Variants in EGFR observed in about 807,000 individuals in gnomAD.
The protein encoded by EGFR is avian erythroblastic leukemia viral (v-erb-b) oncogene homolog.
EGFR carries 58 observed loss-of-function variants against 143.0 expected under a neutral mutation model. That is an observed-to-expected ratio of 0.41 (90% CI 0.33 to 0.50). The LOEUF is 0.50. Among genes scored for constraint, EGFR ranks in the 20% least tolerant of loss-of-function variants. The pLI is 0.39. For synonymous variants in EGFR, 613 were observed against 594.4 expected (o/e 1.03, Z -0.45); for missense variants, 1,307 against 1,579.0 (o/e 0.83, Z 2.92).
chr7:55,176,467 C>T (rs1786594420), intron 19 of EGFR, among the ~76,000 whole-genome samples: 1 of 152,178 alleles, frequency 6.6e-6, no homozygotes, highest in African/African-American at 2.4e-5. Context: ...CGCCTGTAAT[C>T]CCAGCACTTT....
chr7:55,067,914 G>A (rs972377896), intron 1 of EGFR, among the ~76,000 whole-genome samples: 5 of 151,132 alleles, frequency 3.3e-5, no homozygotes, highest in Non-Finnish European at 5.9e-5. Flanking sequence ...GTGTGTTCCT[G>A]TGTATGTGTG....
intron 1 of EGFR, among the ~76,000 whole-genome samples, chr7:55,025,967 C>A (rs370330535): frequency 1.3e-5 from 2 of 151,940 alleles, no homozygotes; most frequent in African/African-American, 2.4e-5. Flanking sequence ...AGTGGCTGAA[C>A]CAAAAAAAGT....
rs1270385150 is a variant in EGFR, at chr7:55,169,124, G to A, written c.1881-2051G>A. Among the ~76,000 whole-genome samples the A allele has an allele frequency of 8.0e-5, 12 of 150,790 alleles. No individual in the cohort carries two copies. The East Asian group carries it at 1.2e-3, about 15-fold the overall frequency. On this transcript the variant is annotated intron_variant, in intron 15 of 27. Coordinates refer to ENST00000275493, the MANE Select transcript of EGFR (RefSeq NM_005228.5). ...ATTTCTTTTTTTTTTTTGTCGAGAC[G>A]GAGTCTTGTTCTGTCACCCTGGCTG...
intron 1 of EGFR, among the ~76,000 whole-genome samples, chr7:55,117,941 G>A (rs1584084654): frequency 6.6e-6 from 1 of 152,196 alleles, no homozygotes; most frequent in African/African-American, 2.4e-5. Flanking sequence ...CACCTGTGCA[G>A]AACTGGGCCC....
At chr7:55,083,359 G>T (rs1338454221) in intron 1 of EGFR, among the ~76,000 whole-genome samples, 1 of 152,194 alleles carries the variant, frequency 6.6e-6, no homozygotes, top group Admixed American at 6.5e-5. Context: ...CAATAACTCA[G>T]CCTTGAACTC....
intron 27 of EGFR, 122 bp downstream of exon 27, chr7:55,202,747 A>G (rs746349348): frequency 3.4e-6 from 3 of 872,892 alleles, no homozygotes; most frequent in Non-Finnish European, 5.7e-6. Context: ...AAACAGTGGC[A>G]GATTTGCAGA....
At chr7:55,105,539 T>C (rs976184473) in intron 1 of EGFR, among the ~76,000 whole-genome samples, 1 of 152,224 alleles carries the variant, frequency 6.6e-6, no homozygotes, top group Non-Finnish European at 1.5e-5. Context: ...TGGACACTAA[T>C]TGTTTCCCTC....
At chr7:55,098,051 CT>C in intron 1 of EGFR, among the ~76,000 whole-genome samples, 1 of 152,258 alleles carries the variant, frequency 6.6e-6, no homozygotes, top group Non-Finnish European at 1.5e-5. Flanking sequence ...GTAACTACTG[CT>C]AACATAAATA....
chr7:55,117,013 G>A (rs1489427295), intron 1 of EGFR, among the ~76,000 whole-genome samples: 2 of 152,166 alleles, frequency 1.3e-5, no homozygotes, highest in Admixed American at 6.5e-5. Flanking sequence ...ACCTCAGAGT[G>A]GCGTTGCTGG....
intron 6 of EGFR, among the ~76,000 whole-genome samples, chr7:55,153,188 G>A (rs1785245192): frequency 6.6e-6 from 1 of 152,202 alleles, no homozygotes; most frequent in Admixed American, 6.5e-5. Context: ...CCACTGCTCA[G>A]GCACCTCCTG....
chr7:55,135,640 T>A (rs979597073), intron 1 of EGFR, among the ~76,000 whole-genome samples: 7 of 152,178 alleles, frequency 4.6e-5, no homozygotes, highest in Admixed American at 1.3e-4. Flanking sequence ...TTTAAATAAG[T>A]GTATTTACTT....
At position 55,157,421 on chromosome 7, in the gene EGFR, G is replaced by C. The variant is rs41318645; in HGVS notation, c.1208-242G>C. On this transcript the variant is annotated intron_variant, in intron 10 of 27. Transcript: ENST00000275493. ...GCAGGGGTCTCAGGGCCACAGCCAG[G>C]GGGGCGGCGGGAGACATGCGGAATC... Among the ~76,000 whole-genome samples the C allele has an allele frequency of 1.1e-3, 169 of 152,350 alleles. 3 individuals carry two copies. Among genetic ancestry groups the C allele is most frequent in the African/African-American group, 3.7e-3 (153 of 41,576 alleles).
chr7:55,148,718 C>T (rs1052144620), intron 4 of EGFR, among the ~76,000 whole-genome samples: 3 of 152,110 alleles, frequency 2.0e-5, no homozygotes, highest in African/African-American at 7.2e-5. Context: ...CACCATCGAC[C>T]TGATACCTGA....
At chr7:55,064,933 C>G (rs555067600) in intron 1 of EGFR, among the ~76,000 whole-genome samples, 1 of 152,282 alleles carries the variant, frequency 6.6e-6, no homozygotes, top group South Asian at 2.1e-4. Context: ...ATTTCCTGGT[C>G]AAGGTGACAA....
rs2128964711 is a variant in EGFR, at chr7:55,191,867, G to A, written c.2618G>A (p.Gly873Glu). Residue 873 changes from glycine (G) to glutamate (E), a missense_variant, in exon 21 of 28, where the codon GGA becomes GAA. By Grantham distance (98) the Gly-to-Glu change is moderately conservative. This residue lies in a region of EGFR where 348 missense variants were observed against 451.5 expected (regional missense o/e 0.77). Coordinates refer to ENST00000275493, the MANE Select transcript of EGFR (RefSeq NM_005228.5). Reference sequence around the variant, plus strand: ...GAAGAGAAAGAATACCATGCAGAAGGAGGCAAAGTAAGGAGGTGGCTTTAG... The same window carrying A: ...GAAGAGAAAGAATACCATGCAGAAGAAGGCAAAGTAAGGAGGTGGCTTTAG... The part of the protein sequence containing the change: ...GAEEKEYHAE[G>E]GKVPIKWMAL... 6.2e-7 allele frequency: 1 copy of A among 1,613,764 alleles called. No individual in the cohort carries two copies.
intron 13 of EGFR, among the ~76,000 whole-genome samples, chr7:55,162,381 A>G (rs1785752972): frequency 6.6e-6 from 1 of 152,254 alleles, no homozygotes; most frequent in African/African-American, 2.4e-5. Flanking sequence ...CTGGGCATGG[A>G]CCACAGCTTG....
At chr7:55,187,411 G>C (rs957500782) in intron 20 of EGFR, among the ~76,000 whole-genome samples, 2 of 152,176 alleles carry the variant, frequency 1.3e-5, no homozygotes, top group Non-Finnish European at 2.9e-5. Flanking sequence ...TTTGATCCAG[G>C]TGGCCTGGTT....
intron 1 of EGFR, among the ~76,000 whole-genome samples, chr7:55,023,043 A>C (rs1241857750): frequency 5.3e-5 from 8 of 152,224 alleles, no homozygotes; most frequent in Non-Finnish European, 1.0e-4. Context: ...CTAATATTAA[A>C]GGCAATTGAT....
At chr7:55,181,817 C>A in intron 20 of EGFR, 1 of 373,166 alleles carries the variant, frequency 2.7e-6, no homozygotes, top group East Asian at 6.1e-5. Context: ...ATTGCTTCCC[C>A]CATTCAGGAC....
Sources: gnomAD v4.1 joint callset for allele counts (sites outside exome capture counted in the v4.1 genomes callset) on GRCh38, gnomAD v4.1.1 for gene constraint, gnomAD v4.1.1 regional missense constraint, MANE v1.5 for transcripts, NCBI Gene and HGNC (gene_info 2026-07-23, HGNC 2026-07-21) for gene names.